The following CLIC5 variants were observed in gnomAD, a reference collection of about 807,000 sequenced individuals.
CLIC5 encodes CLIC family member 5.
Under a neutral mutation model 24.7 loss-of-function variants are expected in CLIC5, and 20 were observed. The observed-to-expected ratio is 0.81, with a 90% CI of 0.57 to 1.18. CLIC5 has a LOEUF of 1.18. Among genes scored for constraint, CLIC5 ranks in the 50% most tolerant of loss-of-function variants. The pLI is 0.00. For synonymous variants in CLIC5, 159 were observed against 135.6 expected (o/e 1.17, Z -1.20); for missense variants, 341 against 326.1 (o/e 1.05, Z -0.35).
chr6:46,082,692 T>C (rs1330683369), upstream of CLIC5, among the ~76,000 whole-genome samples: 1 of 152,152 alleles, frequency 6.6e-6, no homozygotes, highest in Non-Finnish European at 1.5e-5. Flanking sequence ...AAATTTTTGC[T>C]TTAATGTCCC....
chr6:45,953,447 C>T (rs1308494910), intron 2 of CLIC5, among the ~76,000 whole-genome samples: 1 of 152,024 alleles, frequency 6.6e-6, no homozygotes, highest in East Asian at 1.9e-4. Context: ...TGAAGCTGAG[C>T]CTGGGGCCAG....
rs1349964327 is a variant in CLIC5, at chr6:45,914,412, G to A, written c.407-3C>T. 6.4e-7 allele frequency: 1 copy of A among 1,559,194 alleles called. No homozygotes were observed. Among genetic ancestry groups the A allele is most frequent in the Admixed American group, 1.8e-5 (1 of 56,558 alleles). ...CTTGGTTAGGCCTCTTTCAAGAGCTGGCATGAAAGAGTAAAAGGGCCTTTA... is the reference window on the plus strand; with the variant it reads ...CTTGGTTAGGCCTCTTTCAAGAGCTAGCATGAAAGAGTAAAAGGGCCTTTA... On this transcript the variant is annotated splice_region_variant and splice_polypyrimidine_tract_variant and intron_variant, in intron 4 of 5. Transcript: ENST00000339561.
intron 1 of CLIC5, among the ~76,000 whole-genome samples, chr6:46,034,858 G>A (rs1767617640): frequency 6.6e-6 from 1 of 152,154 alleles, no homozygotes; most frequent in Non-Finnish European, 1.5e-5. Context: ...ATGTCATTTG[G>A]GCATTATAGA....
chr6:45,926,505 C>A (rs113654256), intron 4 of CLIC5, among the ~76,000 whole-genome samples: 8 of 152,050 alleles, frequency 5.3e-5, no homozygotes, highest in African/African-American at 1.9e-4. Context: ...ATCCGCCCCC[C>A]TCGGCTTCCC....
At chr6:46,127,008 G>A in the CLIC5 span, among the ~76,000 whole-genome samples, 19 of 152,182 alleles carry the variant, frequency 1.2e-4, no homozygotes, top group African/African-American at 3.6e-4. Context: ...CGTAGTTCAT[G>A]GGAGAAAAAG....
At chr6:45,938,883 C>G (rs551081539) in intron 4 of CLIC5, among the ~76,000 whole-genome samples, 1 of 152,292 alleles carries the variant, frequency 6.6e-6, no homozygotes, top group Non-Finnish European at 1.5e-5. Context: ...AGAGCCAGCT[C>G]TGCCTTGGGG....
the CLIC5 span, among the ~76,000 whole-genome samples, chr6:46,094,014 C>T: frequency 1.0e-3 from 157 of 152,302 alleles, no homozygotes; most frequent in Middle Eastern, 6.8e-3. Context: ...CAGAAGGCAA[C>T]GCAGGAGCAG....
chr6:45,948,473 A>G (rs894392046), intron 3 of CLIC5, among the ~76,000 whole-genome samples: 1 of 152,236 alleles, frequency 6.6e-6, no homozygotes, highest in Non-Finnish European at 1.5e-5. Flanking sequence ...AATCCCTTTC[A>G]GAATATCCCA....
chr6:45,955,186 A>T lies in CLIC5; in HGVS notation c.122T>A (p.Ile41Asn). Residue 41 changes from isoleucine (I) to asparagine (N), a missense_variant, in exon 2 of 6, where the codon ATC (isoleucine) becomes AAC (asparagine). Physicochemically the swap from Ile to Asn is moderately radical, Grantham distance 149. Coordinates refer to ENST00000339561, the MANE Select transcript of CLIC5 (RefSeq NM_016929.5). Reference protein sequence around the residue: ...NCPFSQRLFMILWLKGVVFNV... With the variant: ...NCPFSQRLFMNLWLKGVVFNV... ...GAACACGACTCCTTTCAGCCAGAGGATCATGAAGAGGCGCTGAGAGAAAGG... is the reference window on the plus strand; with the variant it reads ...GAACACGACTCCTTTCAGCCAGAGGTTCATGAAGAGGCGCTGAGAGAAAGG... 3 of 1,614,078 alleles carry T rather than the reference A, an allele frequency of 1.9e-6. No homozygotes were observed. The highest frequency in any genetic ancestry group is 2.5e-6 in the Non-Finnish European group (3 of 1,179,942).
chr6:46,000,532 T>C (rs1766315865), intron 1 of CLIC5, among the ~76,000 whole-genome samples: 1 of 152,170 alleles, frequency 6.6e-6, no homozygotes, highest in South Asian at 2.1e-4. Context: ...TATTGGTTTG[T>C]TTTCATGCTG....
rs371979797 is a variant in CLIC5, at chr6:46,005,221, A to G, written c.63+10259T>C. Among the ~76,000 whole-genome samples the G allele has an allele frequency of 9.2e-5, 14 of 152,344 alleles. No individual in the cohort carries two copies. In the East Asian group the frequency reaches 1.9e-3, roughly 21 times the overall value. ...TTCCCAGTTGGACTCCATTCACTGC[A>G]CATCCTCCCCTCCTTCCCCTTTTGT... On this transcript the variant is annotated intron_variant, in intron 1 of 5. Transcript: ENST00000339561.
intron 1 of CLIC5, among the ~76,000 whole-genome samples, chr6:45,997,332 C>T (rs1403812710): frequency 2.4e-5 from 3 of 126,786 alleles, no homozygotes; most frequent in Non-Finnish European, 4.7e-5. Context: ...GGAAGGGGAA[C>T]ATCACACTCT....
intron 5 of CLIC5, chr6:45,912,440 G>A: frequency 8.5e-7 from 1 of 1,183,080 alleles, no homozygotes; most frequent in Non-Finnish European, 1.1e-6. Context: ...AGATTCATTT[G>A]TTTGCTTTGT....
intron 4 of CLIC5, 45 bp downstream of exon 4, chr6:45,941,502 A>G (rs372578299): frequency 2.2e-5 from 31 of 1,410,934 alleles, no homozygotes; most frequent in African/African-American, 1.1e-4. Context: ...CTTGGGCAGC[A>G]GATAGACCAC....
intron 1 of CLIC5, among the ~76,000 whole-genome samples, chr6:46,066,284 G>A (rs1762440955): frequency 6.6e-6 from 1 of 152,064 alleles, no homozygotes; most frequent in African/African-American, 2.4e-5. Flanking sequence ...TTCTATGTGG[G>A]AGCACCTCTA....
chr6:45,937,348 G>T (rs143618862), intron 4 of CLIC5: 1 of 152,190 alleles, frequency 6.6e-6, no homozygotes, highest in Non-Finnish European at 1.5e-5. Context: ...TTTTACATGC[G>T]CTGAGTTATA....
intron 1 of CLIC5, among the ~76,000 whole-genome samples, chr6:46,026,547 T>C (rs1767337089): frequency 6.6e-6 from 1 of 152,302 alleles, no homozygotes; most frequent in African/African-American, 2.4e-5. Flanking sequence ...CCTATCCCCA[T>C]AAAACTTGGT....
intron 4 of CLIC5, among the ~76,000 whole-genome samples, chr6:45,926,232 T>G (rs1337397804): frequency 7.5e-6 from 1 of 133,800 alleles, no homozygotes; most frequent in African/African-American, 2.6e-5. Context: ...CATATACATA[T>G]ATATATATAT....
intron 1 of CLIC5, among the ~76,000 whole-genome samples, chr6:46,004,669 G>A (rs1766479450): frequency 6.6e-6 from 1 of 152,178 alleles, no homozygotes; most frequent in South Asian, 2.1e-4. Flanking sequence ...TGCAAAAGGG[G>A]TTCATGTTTC....
Sources: gnomAD v4.1 joint callset for allele counts (sites outside exome capture counted in the v4.1 genomes callset) on GRCh38, gnomAD v4.1.1 for gene constraint, MANE v1.5 for transcripts, NCBI Gene and HGNC (gene_info 2026-07-23, HGNC 2026-07-21) for gene names.